The following SRGAP3 variants were observed in gnomAD, a reference collection of about 807,000 sequenced individuals.
SRGAP3 encodes SLIT-ROBO Rho GTPase activating protein 3.
SRGAP3 carries 39 observed loss-of-function variants against 121.1 expected under a neutral mutation model. That is an observed-to-expected ratio of 0.32 (90% CI 0.25 to 0.42). SRGAP3 has a LOEUF of 0.42. Among genes scored for constraint, SRGAP3 ranks in the 10% least tolerant of loss-of-function variants. The probability of loss-of-function intolerance (pLI) is 1.00; values close to 1 mark genes in which losing one functional copy is unlikely to be tolerated. For missense variants in SRGAP3, 1,213 were observed against 1,470.6 expected, an observed-to-expected ratio of 0.82 and a Z score of 2.86; for synonymous variants, 601 against 570.0, an observed-to-expected ratio of 1.05 and a Z score of -0.77.
intron 1 of SRGAP3, among the ~76,000 whole-genome samples, chr3:9,171,647 C>T (rs1478748396): frequency 6.6e-6 from 1 of 152,076 alleles, no homozygotes; most frequent in Non-Finnish European, 1.5e-5. Flanking sequence ...AAAATCTTTG[C>T]CTGGATGCTT....
intron 1 of SRGAP3, among the ~76,000 whole-genome samples, chr3:9,237,614 G>A (rs1953461726): frequency 6.6e-6 from 1 of 152,224 alleles, no homozygotes; most frequent in African/African-American, 2.4e-5. Flanking sequence ...TGGCAATCCA[G>A]GGCAAGAGCA....
intron 5 of SRGAP3, among the ~76,000 whole-genome samples, chr3:9,063,282 C>G (rs1020964264): frequency 4.0e-5 from 6 of 151,834 alleles, no homozygotes; most frequent in Admixed American, 3.9e-4. Flanking sequence ...GCACATGCCA[C>G]CACACCTGCC....
intron 1 of SRGAP3, among the ~76,000 whole-genome samples, chr3:9,214,744 G>A (rs1375009113): frequency 6.6e-6 from 1 of 152,154 alleles, no homozygotes; most frequent in Admixed American, 6.6e-5. Flanking sequence ...GAAGGACCAG[G>A]AATTTGGGGG....
At chr3:9,229,431 C>G (rs898307064) in intron 1 of SRGAP3, among the ~76,000 whole-genome samples, 2 of 152,182 alleles carry the variant, frequency 1.3e-5, no homozygotes, top group Non-Finnish European at 2.9e-5. Context: ...AGCAATAGAG[C>G]TGAGATTCAG....
chr3:9,074,978 A>G (rs1946892521), intron 4 of SRGAP3, among the ~76,000 whole-genome samples: 1 of 152,234 alleles, frequency 6.6e-6, no homozygotes, highest in African/African-American at 2.4e-5. Context: ...TGCTGAACAC[A>G]GAGGAAGAGA....
chr3:9,142,406 C>T (rs1334088619), intron 1 of SRGAP3, among the ~76,000 whole-genome samples: 1 of 152,158 alleles, frequency 6.6e-6, no homozygotes, highest in African/African-American at 2.4e-5. Flanking sequence ...CTCCCAATGT[C>T]GTAGCAAATT....
At chr3:9,281,832 C>A (rs940581381) in intron 3 of SRGAP3, among the ~76,000 whole-genome samples, 2 of 151,990 alleles carry the variant, frequency 1.3e-5, no homozygotes, top group African/African-American at 2.4e-5. Flanking sequence ...ACCACCACGC[C>A]TGGCTAGTTT....
rs112266154 is a variant in SRGAP3, at chr3:9,304,065, G to A, written n.442+21945C>T. Among the ~76,000 whole-genome samples, 547 of 152,244 alleles carry A rather than the reference G, an allele frequency of 3.6e-3. 3 individuals are homozygous for A. Among genetic ancestry groups the A allele is most frequent in the African/African-American group, 0.013 (522 of 41,528 alleles). ...CGTTTCACAAACAATTCTGTCCAGG[G>A]TCGCACTGCTGCCAAGCTCTGTGCC... On this transcript the variant is annotated intron_variant and non_coding_transcript_variant, in intron 3 of 3. Transcript: ENST00000490889.
chr3:9,006,006 C>T (rs1231846727), intron 18 of SRGAP3, among the ~76,000 whole-genome samples: 3 of 152,174 alleles, frequency 2.0e-5, no homozygotes, highest in Non-Finnish European at 4.4e-5. Context: ...GAGCCAAATG[C>T]CGCAAGCCAG....
In SRGAP3 at chr3:9,312,900, G is replaced by T. The variant is rs142741279; in HGVS notation, n.442+13110C>A. ...CTAGCTATTAAGGAGACTGAGGCAG[G>T]GGGATCACTTGAGCCCGGGAGTTCA... On this transcript the variant is annotated intron_variant and non_coding_transcript_variant, in intron 3 of 3. Transcript: ENST00000490889. Among the ~76,000 whole-genome samples the T allele has an allele frequency of 1.4e-3, 206 of 152,218 alleles. 1 individual carries two copies. The highest frequency in any genetic ancestry group is 4.7e-3 in the African/African-American group (196 of 41,558).
Position 9,109,367 on chromosome 3 carries a change from C to T in SRGAP3, c.261-4525G>A, listed in dbSNP as rs539431654. ...GGAAGGGCAGAGAGCACAGCGCTGT[C>T]CTTATCAGAAGCTGCAAGCCAGGAG... On this transcript the variant is annotated intron_variant, in intron 2 of 21. Transcript: ENST00000383836. This position sits in a 1 kb window ranked among gnomAD's most constrained non-coding sequence, Gnocchi z 4.4. 2.8e-4 allele frequency among the ~76,000 whole-genome samples: 43 copies of T among 152,280 alleles called. No individual in the cohort carries two copies. The highest frequency in any genetic ancestry group is 8.4e-4 in the African/African-American group (35 of 41,552).
At chr3:9,096,074 A>AAAAC (rs1381349981) in intron 3 of SRGAP3, among the ~76,000 whole-genome samples, 42 of 152,366 alleles carry the variant, frequency 2.8e-4, no homozygotes, top group African/African-American at 1.0e-3. Context: ...CCATCTCAAA[A>AAAAC]AAACAAACAA....
At chr3:9,215,649 A>C (rs970536959) in intron 1 of SRGAP3, among the ~76,000 whole-genome samples, 1 of 152,252 alleles carries the variant, frequency 6.6e-6, no homozygotes, top group African/African-American at 2.4e-5. Context: ...GGCACCAGCC[A>C]ATCAGCTGAG....
intron 7 of SRGAP3, 100 bp downstream of exon 7, chr3:9,058,151 G>A (rs915130965): frequency 8.3e-6 from 11 of 1,329,006 alleles, no homozygotes; most frequent in South Asian, 1.2e-5. Context: ...CCAGGCGTCG[G>A]ATAGAAACTT....
chr3:9,136,053 C>T (rs1460415612), intron 1 of SRGAP3, among the ~76,000 whole-genome samples: 1 of 152,222 alleles, frequency 6.6e-6, no homozygotes, highest in Non-Finnish European at 1.5e-5. Context: ...GTTTCCCAGG[C>T]GCCATCTCGC....
intron 18 of SRGAP3, among the ~76,000 whole-genome samples, chr3:8,999,519 T>A (rs1942621805): frequency 6.6e-6 from 1 of 152,206 alleles, no homozygotes; most frequent in African/African-American, 2.4e-5. Context: ...TTCCTCTCAA[T>A]ACCACTTATG....
At chr3:9,202,138 G>A (rs973740713) in intron 1 of SRGAP3, among the ~76,000 whole-genome samples, 1 of 152,182 alleles carries the variant, frequency 6.6e-6, no homozygotes, top group Non-Finnish European at 1.5e-5. Flanking sequence ...TGCATGGATG[G>A]GGTTTGCTGC....
chr3:9,049,095 G>A (rs1366661249), intron 9 of SRGAP3, among the ~76,000 whole-genome samples: 1 of 152,206 alleles, frequency 6.6e-6, no homozygotes, highest in Non-Finnish European at 1.5e-5. Flanking sequence ...CACTAAAAAG[G>A]GGGCAGAGAA....
At chr3:9,120,226 A>G (rs1469564832) in intron 2 of SRGAP3, among the ~76,000 whole-genome samples, 2 of 152,230 alleles carry the variant, frequency 1.3e-5, no homozygotes, top group Non-Finnish European at 1.5e-5. Context: ...GAATAAGCAA[A>G]TAAGTACATC....
Sources: allele counts gnomAD v4.1 joint callset (sites outside exome capture counted in the v4.1 genomes callset), GRCh38; gene constraint gnomAD v4.1.1; non-coding constraint Gnocchi (gnomAD v3.1); transcripts MANE v1.5; gene names NCBI Gene and HGNC (gene_info 2026-07-23, HGNC 2026-07-21).